CYYR1: variants seen among roughly 807,000 people sequenced by gnomAD.
CYYR1 encodes the protein cysteine and tyrosine-rich protein 1.
A neutral mutation model predicts 15.2 loss-of-function variants in CYYR1; 14 were observed. The ratio of observed to expected loss-of-function variants is 0.92; its 90% confidence interval spans 0.61 to 1.44. The LOEUF (loss-of-function observed/expected upper bound fraction) is 1.44, where lower values mean the gene tolerates loss of function less well. Among genes scored for constraint, CYYR1 ranks in the 40% most tolerant of loss-of-function variants. The pLI is 0.00. For missense variants in CYYR1, 228 were observed against 209.5 expected (o/e 1.09, Z -0.54); for synonymous variants, 80 against 77.4 (o/e 1.03, Z -0.18).
intron 2 of CYYR1, among the ~76,000 whole-genome samples, chr21:26,563,861 A>G (rs1980414967): frequency 6.6e-6 from 1 of 152,204 alleles, no homozygotes; most frequent in South Asian, 2.1e-4. Context: ...TTTTTAGCTC[A>G]TTTTAAACTG....
chr21:26,475,025 T>C (rs1426199789), intron 3 of CYYR1, among the ~76,000 whole-genome samples: 1 of 152,172 alleles, frequency 6.6e-6, no homozygotes, highest in Non-Finnish European at 1.5e-5. Flanking sequence ...ACTTTGGTTA[T>C]CCTGGATCAA....
intron 2 of CYYR1, among the ~76,000 whole-genome samples, chr21:26,543,862 C>T (rs112032878): frequency 1.1e-4 from 16 of 152,124 alleles, no homozygotes; most frequent in East Asian, 7.8e-4. Flanking sequence ...ACCGAAATCA[C>T]GGCACTGCAC....
chr21:26,564,699 G>A, intron 2 of CYYR1: 1 of 1,161,992 alleles, frequency 8.6e-7, no homozygotes, highest in Non-Finnish European at 1.1e-6. Context: ...AGGGCACACA[G>A]CACACTCCAT....
intron 3 of CYYR1, among the ~76,000 whole-genome samples, chr21:26,469,229 A>G (rs2065004958): frequency 6.6e-6 from 1 of 152,142 alleles, no homozygotes; most frequent in Non-Finnish European, 1.5e-5. Context: ...CCAAGTCTTT[A>G]GGTGATGACT....
rs146494700 is a variant in CYYR1 at position 26,522,667 on chromosome 21, A to C, written c.177-42238T>G. On this transcript the variant is annotated intron_variant, in intron 2 of 3. Coordinates refer to ENST00000652641, the MANE Select transcript of CYYR1 (RefSeq NM_001320768.2). ...ACACTGGAGGATATGATGATGCCAC[A>C]AAGATAAAACACCACGTTCCTGCCC... 4.9e-4 allele frequency among the ~76,000 whole-genome samples: 74 copies of C among 152,320 alleles called. No individual in the cohort carries two copies. In the East Asian group the frequency reaches 0.013, roughly 26 times the overall value.
intron 2 of CYYR1, among the ~76,000 whole-genome samples, chr21:26,499,500 A>T (rs900945889): frequency 2.6e-5 from 4 of 152,294 alleles, no homozygotes; most frequent in African/African-American, 7.2e-5. Context: ...TTTAGTTAAA[A>T]TTTTTTGGTA....
At chr21:26,565,698 G>C (rs988211777) in intron 2 of CYYR1, among the ~76,000 whole-genome samples, 1 of 152,094 alleles carries the variant, frequency 6.6e-6, no homozygotes, top group East Asian at 1.9e-4. Flanking sequence ...TTGTGTTTTT[G>C]TGCCTTGTTG....
chr21:26,544,538 T>G (rs1978812710), intron 2 of CYYR1, among the ~76,000 whole-genome samples: 1 of 152,186 alleles, frequency 6.6e-6, no homozygotes, highest in Non-Finnish European at 1.5e-5. Flanking sequence ...AATGCCGTGT[T>G]TATAAATCTC....
intron 2 of CYYR1, among the ~76,000 whole-genome samples, chr21:26,556,787 T>C (rs998741491): frequency 5.3e-5 from 8 of 152,050 alleles, no homozygotes; most frequent in African/African-American, 1.9e-4. Context: ...ACACTGAGGA[T>C]TGCAATTCGA....
At chr21:26,529,246 T>G (rs535719465) in intron 2 of CYYR1, among the ~76,000 whole-genome samples, 1 of 152,244 alleles carries the variant, frequency 6.6e-6, no homozygotes, top group Non-Finnish European at 1.5e-5. Flanking sequence ...GTCCATTCTA[T>G]GTTTATCACA....
At chr21:26,536,385 TATAGTCTGTGTGATTTA>T (rs1978301965) in intron 2 of CYYR1, among the ~76,000 whole-genome samples, 1 of 152,188 alleles carries the variant, frequency 6.6e-6, no homozygotes, top group South Asian at 2.1e-4. Context: ...TGGGTATGTT[TATAGTCTGTGTGATTTA>T]AGAAATGGTA....
At chr21:26,484,024 C>T (rs990854417) in intron 2 of CYYR1, among the ~76,000 whole-genome samples, 3 of 152,070 alleles carry the variant, frequency 2.0e-5, no homozygotes, top group Admixed American at 6.6e-5. Context: ...TAATTTCTTA[C>T]CCCAAACCAC....
rs559861340 is a variant in CYYR1 at position 26,570,364 on chromosome 21, A to T, written c.73+2504T>A. 3.9e-5 allele frequency among the ~76,000 whole-genome samples: 6 copies of T among 152,328 alleles called. No individual in the cohort carries two copies. The South Asian group carries it at 1.2e-3, about 32-fold the overall frequency. On this transcript the variant is annotated intron_variant, in intron 1 of 3. Coordinates refer to ENST00000652641, the MANE Select transcript of CYYR1 (RefSeq NM_001320768.2). ...AAGGAATGCGCAGAACAGGAAAAGC[A>T]GTATCTGGCTTGAAGCACTTGCTTA...
chr21:26,479,213 T>C (rs1340030876), intron 3 of CYYR1, among the ~76,000 whole-genome samples: 1 of 151,142 alleles, frequency 6.6e-6, no homozygotes, highest in African/African-American at 2.4e-5. Flanking sequence ...GAAAATATTA[T>C]AGAAGAAGAA....
intron 3 of CYYR1, among the ~76,000 whole-genome samples, chr21:26,474,608 GTC>G (rs534557575): frequency 6.5e-4 from 99 of 151,800 alleles, no homozygotes; most frequent in African/African-American, 2.2e-3. Flanking sequence ...CTGGCCCATG[GTC>G]TCTCTTTCCT....
At chr21:26,499,456 C>T (rs1293803230) in intron 2 of CYYR1, among the ~76,000 whole-genome samples, 1 of 152,148 alleles carries the variant, frequency 6.6e-6, no homozygotes, top group Non-Finnish European at 1.5e-5. Flanking sequence ...GACTTCTGGT[C>T]CCCAGAACGT....
At chr21:26,484,434 T>A (rs915296814) in intron 2 of CYYR1, among the ~76,000 whole-genome samples, 1 of 152,172 alleles carries the variant, frequency 6.6e-6, no homozygotes. Context: ...CTATAGGCAT[T>A]TTTACTTAGT....
At chr21:26,544,983 T>C (rs950835611) in intron 2 of CYYR1, among the ~76,000 whole-genome samples, 2 of 152,022 alleles carry the variant, frequency 1.3e-5, no homozygotes, top group Admixed American at 6.6e-5. Context: ...AGATAAATTA[T>C]GATTTGAGTA....
chr21:26,524,075 A>C (rs2065834268), intron 2 of CYYR1, among the ~76,000 whole-genome samples: 1 of 152,186 alleles, frequency 6.6e-6, no homozygotes, highest in Admixed American at 6.5e-5. Context: ...TAAGACAAAT[A>C]TATTCATATG....
Sources: gnomAD v4.1 joint callset for allele counts (sites outside exome capture counted in the v4.1 genomes callset) on GRCh38, gnomAD v4.1.1 for gene constraint, MANE v1.5 for transcripts, NCBI Gene and HGNC (gene_info 2026-07-23, HGNC 2026-07-21) for gene names.